The following THSD7B variants were observed in gnomAD, a reference collection of about 807,000 sequenced individuals.
THSD7B encodes the protein thrombospondin type-1 domain-containing protein 7B.
A neutral mutation model predicts 213.6 loss-of-function variants in THSD7B; 138 were observed. The observed-to-expected ratio is 0.65, with a 90% CI of 0.56 to 0.74. THSD7B has a LOEUF of 0.74. Ranked by LOEUF, THSD7B falls within the 30% of genes least tolerant of loss-of-function variation. THSD7B has a pLI of 0.00. For synonymous variants in THSD7B, 742 were observed against 687.0 expected (o/e 1.08, Z -1.25); for missense variants, 1,931 against 1,991.5 (o/e 0.97, Z 0.58).
intron 12 of THSD7B, among the ~76,000 whole-genome samples, chr2:137,335,535 A>G (rs1684620711): frequency 6.6e-6 from 1 of 152,186 alleles, no homozygotes; most frequent in African/African-American, 2.4e-5. Flanking sequence ...CCCAAAATTA[A>G]TACCCTATGC....
intron 17 of THSD7B, among the ~76,000 whole-genome samples, chr2:137,604,098 C>T (rs1262845034): frequency 4.7e-5 from 7 of 150,490 alleles, no homozygotes; most frequent in East Asian, 2.0e-4. Context: ...GACTCTATCT[C>T]GAAAAAAAAT....
At chr2:137,526,983 A>T (rs535105100) in intron 15 of THSD7B, among the ~76,000 whole-genome samples, 88 of 152,250 alleles carry the variant, frequency 5.8e-4, no homozygotes, top group African/African-American at 1.8e-3. Flanking sequence ...CACTGAGGAG[A>T]TAAGTCAGCA....
intron 19 of THSD7B, among the ~76,000 whole-genome samples, chr2:137,619,046 C>A (rs1366932718): frequency 1.3e-5 from 2 of 152,176 alleles, no homozygotes; most frequent in Admixed American, 6.5e-5. Flanking sequence ...TTATAGCCCT[C>A]CTTTTTTTCC....
intron 21 of THSD7B, among the ~76,000 whole-genome samples, chr2:137,645,851 A>G (rs1467798551): frequency 6.6e-6 from 1 of 152,180 alleles, no homozygotes; most frequent in African/African-American, 2.4e-5. Flanking sequence ...CAATGAATCT[A>G]TCATATGGAA....
intron 2 of THSD7B, among the ~76,000 whole-genome samples, chr2:137,004,296 TACACACACACACACACACACACACACAC>T (rs34674642): frequency 2.3e-5 from 3 of 131,490 alleles, no homozygotes; most frequent in Non-Finnish European, 4.8e-5. Flanking sequence ...TGTGCACACG[TACACACACACACACACACACACACACAC>T]ACACACACAC....
In THSD7B at chr2:137,261,446, C is replaced by A. The variant is rs188122641; in HGVS notation, c.2267-11087C>A. The stretch of plus-strand genomic sequence containing the variant: ...CTTGATATTTCATTACCTGATTATT[C>A]TTCTTCAAAGCCCCTAAATCAAGTC... On this transcript the variant is annotated intron_variant, in intron 10 of 27. Transcript: ENST00000409968. Among the ~76,000 whole-genome samples the A allele has an allele frequency of 8.3e-4, 126 of 152,268 alleles. 1 individual carries two copies. Among genetic ancestry groups the A allele is most frequent in the African/African-American group, 2.9e-3 (122 of 41,560 alleles).
chr2:137,412,355 C>A (rs2105013734), intron 14 of THSD7B, among the ~76,000 whole-genome samples: 1 of 151,970 alleles, frequency 6.6e-6, no homozygotes, highest in African/African-American at 2.4e-5. Flanking sequence ...AATCCCAGCA[C>A]TTTGAGAGGC....
chr2:137,522,092 G>A (rs967615730), intron 15 of THSD7B, among the ~76,000 whole-genome samples: 1 of 152,170 alleles, frequency 6.6e-6, no homozygotes, highest in Non-Finnish European at 1.5e-5. Context: ...AACTGCATGG[G>A]CTAGGCTGTC....
At chr2:137,193,684 C>G (rs1460975140) in intron 7 of THSD7B, among the ~76,000 whole-genome samples, 2 of 151,926 alleles carry the variant, frequency 1.3e-5, no homozygotes, top group Non-Finnish European at 2.9e-5. Context: ...GTCATTGGAC[C>G]TTCTGTATGG....
At chr2:137,189,694 T>C (rs995052762) in intron 7 of THSD7B, among the ~76,000 whole-genome samples, 2 of 151,946 alleles carry the variant, frequency 1.3e-5, no homozygotes, top group African/African-American at 4.8e-5. Context: ...CATGTTTTTG[T>C]TGCGATTGCT....
chr2:137,218,624 A>T (rs6720025), intron 7 of THSD7B, among the ~76,000 whole-genome samples: 90,764 of 152,008 alleles, frequency 0.6, 27,532 homozygotes, highest in South Asian at 0.71. Context: ...ACATTAAAGG[A>T]AATTACAGTA....
At chr2:137,549,044 C>G (rs1680792047) in intron 15 of THSD7B, among the ~76,000 whole-genome samples, 1 of 151,882 alleles carries the variant, frequency 6.6e-6, no homozygotes, top group Non-Finnish European at 1.5e-5. Flanking sequence ...AGCAAAAGTC[C>G]ATAAGGAAAG....
At chr2:137,652,432 C>T (rs1683158817) in intron 21 of THSD7B, among the ~76,000 whole-genome samples, 1 of 151,928 alleles carries the variant, frequency 6.6e-6, no homozygotes, top group African/African-American at 2.4e-5. Flanking sequence ...CTTTCAATGT[C>T]TTTCACTATA....
intron 12 of THSD7B, among the ~76,000 whole-genome samples, chr2:137,368,649 G>A (rs891139156): frequency 6.6e-6 from 1 of 151,924 alleles, no homozygotes; most frequent in Non-Finnish European, 1.5e-5. Flanking sequence ...ACAACCAAGA[G>A]AATTTTACTT....
At chr2:137,658,291 G>A (rs1683277196) in intron 24 of THSD7B, among the ~76,000 whole-genome samples, 1 of 152,124 alleles carries the variant, frequency 6.6e-6, no homozygotes. Context: ...AACACAGAAG[G>A]CATCATACTC....
chr2:137,604,080 C>CAG (rs1449195472), intron 17 of THSD7B, among the ~76,000 whole-genome samples: 1 of 151,944 alleles, frequency 6.6e-6, no homozygotes. Context: ...GCCTGGGTGA[C>CAG]AGAGTGAGAC....
chr2:136,812,395 A>G (rs1172461760), intron 1 of THSD7B, among the ~76,000 whole-genome samples: 3 of 152,236 alleles, frequency 2.0e-5, no homozygotes, highest in Non-Finnish European at 4.4e-5. Flanking sequence ...AATTGACAAT[A>G]AGATATTGTA....
intron 2 of THSD7B, among the ~76,000 whole-genome samples, chr2:136,921,682 T>A (rs941853810): frequency 6.6e-6 from 1 of 152,214 alleles, no homozygotes; most frequent in Non-Finnish European, 1.5e-5. Flanking sequence ...TCTTTAATTA[T>A]AGAATCAATT....
chr2:136,878,740 T>G (rs993868343), intron 1 of THSD7B, among the ~76,000 whole-genome samples: 1 of 152,226 alleles, frequency 6.6e-6, no homozygotes, highest in Non-Finnish European at 1.5e-5. Flanking sequence ...GTTCATAGAC[T>G]TCGCCCACTT....
Sources: allele counts gnomAD v4.1 joint callset (sites outside exome capture counted in the v4.1 genomes callset), GRCh38; gene constraint gnomAD v4.1.1; transcripts MANE v1.5; gene names NCBI Gene and HGNC (gene_info 2026-07-23, HGNC 2026-07-21).